CASK: variants seen among roughly 807,000 people sequenced by gnomAD.
The protein encoded by CASK is calcium/calmodulin dependent serine protein kinase, also known as peripheral plasma membrane protein CASK.
A neutral mutation model predicts 82.9 loss-of-function variants in CASK; 4 were observed. The observed-to-expected ratio is 0.05, with a 90% CI of 0.02 to 0.11. The LOEUF (loss-of-function observed/expected upper bound fraction) is 0.11, where lower values mean the gene tolerates loss of function less well. Ranked by LOEUF, CASK falls within the 10% of genes least tolerant of loss-of-function variation. The pLI, the probability that CASK is intolerant of heterozygous loss-of-function variation, is 1.00. For missense variants in CASK, 358 were observed against 720.9 expected (o/e 0.50, Z 5.76); for synonymous variants, 259 against 253.5 (o/e 1.02, Z -0.20).
intron 5 of CASK, among the ~76,000 whole-genome samples, chrX:41,699,019 C>T (rs1003415220): frequency 9.0e-6 from 1 of 110,804 alleles, no homozygotes; most frequent in Non-Finnish European, 1.9e-5. Flanking sequence ...CTCTGTCTCC[C>T]GGGTTCAAGT....
intron 3 of CASK, among the ~76,000 whole-genome samples, chrX:41,784,825 G>A (rs997863791): frequency 1.8e-5 from 2 of 109,611 alleles, no homozygotes; most frequent in Admixed American, 2.0e-4. Flanking sequence ...GCAGTGAGCC[G>A]AGATTGCGCC....
At chrX:41,900,891 G>A (rs924724423) in intron 1 of CASK, among the ~76,000 whole-genome samples, 2 of 108,352 alleles carry the variant, frequency 1.8e-5, no homozygotes, top group African/African-American at 3.4e-5. Flanking sequence ...GATTACAGGC[G>A]CATGCCATGA....
At chrX:41,695,904 A>C in intron 5 of CASK, 1 of 1,209,553 alleles carries the variant, frequency 8.3e-7, no homozygotes, top group Non-Finnish European at 1.1e-6. Flanking sequence ...TTCCATTCAA[A>C]TTTATCTACT....
At chrX:41,640,492 G>A (rs1314360015) in intron 8 of CASK, among the ~76,000 whole-genome samples, 2 of 111,416 alleles carry the variant, frequency 1.8e-5, no homozygotes, top group Non-Finnish European at 3.8e-5. Flanking sequence ...GTGAGCCACC[G>A]CACCTGGCCT....
chrX:41,730,924 C>T (rs956254241), intron 5 of CASK, among the ~76,000 whole-genome samples: 3 of 111,199 alleles, frequency 2.7e-5, no homozygotes, highest in Non-Finnish European at 3.8e-5. Flanking sequence ...AGGTTGGTCT[C>T]GAATTCCTGA....
At chrX:41,773,593 C>G (rs1273980079) in intron 3 of CASK, among the ~76,000 whole-genome samples, 2 of 110,616 alleles carry the variant, frequency 1.8e-5, no homozygotes, top group Non-Finnish European at 3.8e-5. Flanking sequence ...GGGATATAGT[C>G]TGATAAATGC....
chrX:41,888,795 A>G (rs1226510663), intron 1 of CASK, among the ~76,000 whole-genome samples: 3 of 105,343 alleles, frequency 2.8e-5, no homozygotes, highest in Non-Finnish European at 3.9e-5. Flanking sequence ...ATGTGTATAT[A>G]TATGTATATA....
At chrX:41,853,257 T>C in intron 1 of CASK, 30 bp from the exon 2 acceptor site, 13 of 906,012 alleles carry the variant, frequency 1.4e-5, no homozygotes, top group Non-Finnish European at 1.9e-5. Flanking sequence ...TTTTAATTCA[T>C]TGATTCTCTT....
intron 5 of CASK, among the ~76,000 whole-genome samples, chrX:41,705,623 C>A (rs770222556): frequency 9.0e-6 from 1 of 111,542 alleles, no homozygotes; most frequent in South Asian, 3.8e-4. Context: ...AGACACCAAA[C>A]AGGTCACCAT....
In CASK at chrX:41,524,095, C is replaced by T. The variant is rs2064677495; in HGVS notation, c.2521-61G>A. ...AAGAAGAAATAACTAATGTAACTTTCAAATGAGTCTATAAAAATTTTTATA... is the reference window on the plus strand; with the variant it reads ...AAGAAGAAATAACTAATGTAACTTTTAAATGAGTCTATAAAAATTTTTATA... On this transcript the variant is annotated intron_variant, in intron 25 of 26. Coordinates refer to ENST00000378163, the MANE Select transcript of CASK (RefSeq NM_001367721.1). 5 of 834,510 alleles carry T rather than the reference C, an allele frequency of 6.0e-6. No individual in the cohort carries two copies. The East Asian group carries it at 1.7e-4, about 28-fold the overall frequency. 68.8% of individuals were successfully genotyped at this position (834,510 alleles called of 1,213,427 possible).
At chrX:41,577,787 A>G (rs1172691658) in intron 15 of CASK, among the ~76,000 whole-genome samples, 2 of 111,675 alleles carry the variant, frequency 1.8e-5, no homozygotes, top group Non-Finnish European at 3.8e-5. Context: ...AAGGTTCAGC[A>G]TCAATTCTCT....
intron 12 of CASK, among the ~76,000 whole-genome samples, chrX:41,600,931 A>T (rs1307054221): frequency 1.8e-5 from 2 of 111,986 alleles, no homozygotes; most frequent in Non-Finnish European, 3.8e-5. Context: ...AAGGAAGAAA[A>T]TTCTAACACA....
intron 26 of CASK, among the ~76,000 whole-genome samples, chrX:41,521,714 C>T (rs1316132114): frequency 8.9e-6 from 1 of 112,074 alleles, no homozygotes; most frequent in Non-Finnish European, 1.9e-5. Context: ...TTAACCACCC[C>T]CTACCTGCCA....
At position 41,888,714 on chromosome X, in the gene CASK, T is replaced by C. The variant is rs768763098; in HGVS notation, c.59+34216A>G. Among the ~76,000 whole-genome samples, 134 of 105,465 alleles carry C rather than the reference T, an allele frequency of 1.3e-3. 1 individual carries two copies. Among genetic ancestry groups the C allele is most frequent in the African/African-American group, 4.4e-3 (129 of 29,088 alleles). The allele number at this position is 105,465 out of a possible 115,157, so 91.6% of individuals were successfully genotyped here. A position where few individuals can be genotyped will look rare whatever the true frequency, so the allele number is the denominator to read the frequency against. On this transcript the variant is annotated intron_variant, in intron 1 of 26. Transcript: ENST00000378163. The stretch of plus-strand genomic sequence containing the variant: ...ATGTATATATATACGTATATATGTA[T>C]ATGTATGTGAATATATGTATATATA...
At chrX:41,663,371 A>C (rs1447974804) in intron 7 of CASK, among the ~76,000 whole-genome samples, 2 of 111,460 alleles carry the variant, frequency 1.8e-5, no homozygotes, top group African/African-American at 6.5e-5. Flanking sequence ...ATGAGAGGTG[A>C]GGTTAGCCAA....
chrX:41,727,954 C>A lies in CASK; in HGVS notation c.429+11430G>T. 8.6e-7 allele frequency: 1 copy of A among 1,164,440 alleles called. No individual in the cohort carries two copies. Among genetic ancestry groups the A allele is most frequent in the Non-Finnish European group, 1.2e-6 (1 of 854,527 alleles). On this transcript the variant is annotated intron_variant, in intron 5 of 26. Coordinates refer to ENST00000378163, the MANE Select transcript of CASK (RefSeq NM_001367721.1). ...AAGTAGCACAGACCCCATTATATTTCTTTTATTAGATAAAACATTCAAGAA... is the reference window on the plus strand; with the variant it reads ...AAGTAGCACAGACCCCATTATATTTATTTTATTAGATAAAACATTCAAGAA...
intron 2 of CASK, among the ~76,000 whole-genome samples, chrX:41,800,466 A>G (rs2069970302): frequency 9.0e-6 from 1 of 110,740 alleles, no homozygotes; most frequent in Admixed American, 9.5e-5. Context: ...ACTCAATGTT[A>G]TTTTATTTTT....
chrX:41,832,003 T>C (rs780251077), intron 2 of CASK, among the ~76,000 whole-genome samples: 30 of 109,401 alleles, frequency 2.7e-4, no homozygotes, highest in Non-Finnish European at 4.9e-4. Context: ...CAACAGTTCA[T>C]ATGAAAATGC....
chrX:41,881,930 C>A (rs776321072), intron 1 of CASK, among the ~76,000 whole-genome samples: 2 of 111,253 alleles, frequency 1.8e-5, no homozygotes, highest in South Asian at 7.6e-4. Context: ...CCTGGTAACC[C>A]TGGGCAAGTG....
Sources: allele counts gnomAD v4.1 joint callset (sites outside exome capture counted in the v4.1 genomes callset), GRCh38; gene constraint gnomAD v4.1.1; transcripts MANE v1.5; gene names NCBI Gene and HGNC (gene_info 2026-07-23, HGNC 2026-07-21).